ABLIM2: variants seen among roughly 807,000 people sequenced by gnomAD.
ABLIM2 encodes actin binding LIM protein family member 2, also known as actin-binding LIM protein 2.
Under a neutral mutation model 97.7 loss-of-function variants are expected in ABLIM2, and 53 were observed. That is an observed-to-expected ratio of 0.54 (90% CI 0.44 to 0.68). The LOEUF (loss-of-function observed/expected upper bound fraction) is 0.68. Among genes scored for constraint, ABLIM2 ranks in the 30% least tolerant of loss-of-function variants. ABLIM2 has a pLI of 0.00. For missense variants in ABLIM2, 835 were observed against 867.2 expected (o/e 0.96, Z 0.47); for synonymous variants, 361 against 345.8 (o/e 1.04, Z -0.49).
intron 3 of ABLIM2, among the ~76,000 whole-genome samples, chr4:8,093,482 T>C (rs1212093208): frequency 6.6e-6 from 1 of 152,234 alleles, no homozygotes; most frequent in Non-Finnish European, 1.5e-5. Context: ...TTTATTCACA[T>C]ACAATGTAAT....
At chr4:8,118,107 T>C (rs565684425) in intron 1 of ABLIM2, among the ~76,000 whole-genome samples, 11 of 152,356 alleles carry the variant, frequency 7.2e-5, no homozygotes, top group African/African-American at 2.4e-4. Flanking sequence ...CTCCCTGCCA[T>C]CTGCGCAGGA....
Position 7,986,143 on chromosome 4 carries a change from G to T in ABLIM2, c.1681-1250C>A, listed in dbSNP as rs1253148465. Reference sequence around the variant, plus strand: ...CTCTCGGCCAGTGCTGCTGAAACTGGGTACAGGGATCACATTTCAGCAGGG... The same window carrying T: ...CTCTCGGCCAGTGCTGCTGAAACTGTGTACAGGGATCACATTTCAGCAGGG... On this transcript the variant is annotated intron_variant, in intron 17 of 20. Transcript: ENST00000447017. This position sits in a 1 kb window ranked among gnomAD's most constrained non-coding sequence, Gnocchi z 4.3. Among the ~76,000 whole-genome samples the T allele has an allele frequency of 6.6e-6, 1 of 152,206 alleles. No individual in the cohort carries two copies. The highest frequency in any genetic ancestry group is 1.5e-5 in the Non-Finnish European group (1 of 68,032).
At chr4:8,086,682 G>A (rs1238240193) in intron 4 of ABLIM2, among the ~76,000 whole-genome samples, 2 of 152,028 alleles carry the variant, frequency 1.3e-5, no homozygotes, top group Non-Finnish European at 2.9e-5. Flanking sequence ...AGGAAGCTGT[G>A]GACAAACTGT....
rs2150964611 is a variant in ABLIM2 at position 8,022,355 on chromosome 4, G to C, written c.1268-2052C>G. 6.6e-6 allele frequency among the ~76,000 whole-genome samples: 1 copy of C among 152,336 alleles called. No homozygotes were observed. Among genetic ancestry groups the C allele is most frequent in the South Asian group, 2.1e-4 (1 of 4,832 alleles). On this transcript the variant is annotated intron_variant, in intron 12 of 20. Transcript: ENST00000447017. The surrounding 1 kb of genome is among the most constrained non-coding windows in gnomAD (Gnocchi z 7.8). ...CTCCCCAGTTCCCAGCCACAGGGCA[G>C]CATCCCCTGAAGTTTCAAACCAGAG...
At position 8,045,179 on chromosome 4, in the gene ABLIM2, C is replaced by G. The variant is rs376665821; in HGVS notation, c.885G>C (p.Pro295=). Residue 295 remains proline, a synonymous_variant, in exon 9 of 21, where the codon CCG becomes CCC. Coordinates refer to ENST00000447017, the MANE Select transcript of ABLIM2 (RefSeq NM_001130083.2). Reference sequence around the variant, plus strand: ...CCTGACTTACATAAATCACACGGCTCGGAGACCCTGAGGTGCTGGAAGCAG... The same window carrying G: ...CCTGACTTACATAAATCACACGGCTGGGAGACCCTGAGGTGCTGGAAGCAG... ...SVPASSTSGS[P]SRVIYAKLGG... 6.2e-7 allele frequency: 1 copy of G among 1,613,886 alleles called. No individual in the cohort carries two copies. Among genetic ancestry groups the G allele is most frequent in the Non-Finnish European group, 8.5e-7 (1 of 1,179,796 alleles).
At chr4:8,153,059 A>G (rs1364891482) in intron 1 of ABLIM2, among the ~76,000 whole-genome samples, 1 of 152,138 alleles carries the variant, frequency 6.6e-6, no homozygotes, top group African/African-American at 2.4e-5. Flanking sequence ...GGGTTGGTTG[A>G]TGGCATCAGG....
At position 8,025,102 on chromosome 4, in the gene ABLIM2, AT is replaced by A. The variant is rs553061913; in HGVS notation, c.1267+2656del. Among the ~76,000 whole-genome samples the A allele has an allele frequency of 1.4e-4, 22 of 152,116 alleles. No homozygotes were observed. The East Asian group carries it at 3.9e-3, about 27-fold the overall frequency. ...GCCACCACACCCGGCTAATTTTTGTATTTTTAGTAGAGACGTGGTTTCACCA... is the reference window on the plus strand; with the variant it reads ...GCCACCACACCCGGCTAATTTTTGTATTTTAGTAGAGACGTGGTTTCACCA... On this transcript the variant is annotated intron_variant, in intron 12 of 20. Transcript: ENST00000447017.
chr4:8,084,556 A>T (rs1287840455), intron 4 of ABLIM2, among the ~76,000 whole-genome samples: 1 of 152,146 alleles, frequency 6.6e-6, no homozygotes, highest in Non-Finnish European at 1.5e-5. Context: ...AGGACCCCAA[A>T]GCCCCATTCC....
chr4:8,070,560 A>G (rs543390906), intron 6 of ABLIM2, among the ~76,000 whole-genome samples: 12 of 152,292 alleles, frequency 7.9e-5, no homozygotes, highest in African/African-American at 2.9e-4. Flanking sequence ...CAAGACAGAC[A>G]GGAGGAAGCA....
chr4:7,991,153 G>T (rs1311961734), intron 17 of ABLIM2, among the ~76,000 whole-genome samples: 1 of 152,234 alleles, frequency 6.6e-6, no homozygotes, highest in Admixed American at 6.5e-5. Context: ...CTGCCAGAAA[G>T]TCTGAATAGG....
At chr4:8,098,202 C>A (rs1180220372) in intron 2 of ABLIM2, among the ~76,000 whole-genome samples, 1 of 152,318 alleles carries the variant, frequency 6.6e-6, no homozygotes, top group South Asian at 2.1e-4. Flanking sequence ...ACAGAGGAAC[C>A]CCCTGCAGCC....
chr4:7,966,350 A>T lies in ABLIM2; in HGVS notation c.*640T>A, dbSNP rs1156943672. ...GTTACTTTAAAGATATTGTGTAGGCATCTAGGGGTCGATCTGGAGGAGGAA... is the reference window on the plus strand; with the variant it reads ...GTTACTTTAAAGATATTGTGTAGGCTTCTAGGGGTCGATCTGGAGGAGGAA... On this transcript the variant is annotated 3_prime_UTR_variant, in exon 21 of 21. Transcript: ENST00000447017. The T allele has an allele frequency of 6.5e-6, 1 of 152,720 alleles. No individual in the cohort carries two copies. The highest frequency in any genetic ancestry group is 1.5e-5 in the Non-Finnish European group (1 of 68,106). The allele number at this position is 152,720 out of a possible 1,614,324, so 9.5% of individuals were successfully genotyped here.
intron 8 of ABLIM2, among the ~76,000 whole-genome samples, chr4:8,049,914 G>A (rs1044333985): frequency 2.0e-5 from 3 of 152,094 alleles, no homozygotes; most frequent in African/African-American, 7.2e-5. Context: ...TTTTGGTAGA[G>A]AGCGGGTTTC....
At chr4:8,116,773 A>G (rs1483385301) in intron 1 of ABLIM2, among the ~76,000 whole-genome samples, 1 of 152,180 alleles carries the variant, frequency 6.6e-6, no homozygotes, top group African/African-American at 2.4e-5. Context: ...TAGGTGGCTC[A>G]TAACACAGAT....
chr4:8,090,758 G>A (rs187664903), intron 3 of ABLIM2, among the ~76,000 whole-genome samples: 1 of 149,824 alleles, frequency 6.7e-6, no homozygotes, highest in East Asian at 1.9e-4. Context: ...AGTCTTTGGT[G>A]TTTTGTCAGC....
chr4:8,109,256 G>A (rs546541098), intron 1 of ABLIM2, among the ~76,000 whole-genome samples: 1 of 152,352 alleles, frequency 6.6e-6, no homozygotes, highest in African/African-American at 2.4e-5. Flanking sequence ...CAGCCTGCAG[G>A]TGATGGGGCA....
chr4:8,077,979 G>T (rs1026970700), intron 5 of ABLIM2, among the ~76,000 whole-genome samples: 7 of 152,348 alleles, frequency 4.6e-5, no homozygotes, highest in African/African-American at 1.7e-4. Context: ...CCAGTGGGTG[G>T]GAGGGGCTGA....
intron 6 of ABLIM2, among the ~76,000 whole-genome samples, chr4:8,074,528 A>G (rs1016644305): frequency 4.6e-5 from 7 of 152,228 alleles, no homozygotes; most frequent in African/African-American, 1.4e-4. Context: ...GAGAAATACT[A>G]TATCTTGTTG....
At position 8,008,076 on chromosome 4, in the gene ABLIM2, C is replaced by G; in HGVS notation, c.1601G>C (p.Gly534Ala). 1.2e-6 allele frequency: 2 copies of G among 1,614,012 alleles called. No individual in the cohort carries two copies. Among genetic ancestry groups the G allele is most frequent in the Non-Finnish European group, 1.7e-6 (2 of 1,179,876 alleles). The stretch of plus-strand genomic sequence containing the variant: ...CCACTCACGTGAGTGAAAGCTGTCC[C>G]CTGCCATCCTTTGGAGAGGGTCTCT... ...TDRDPLQRMA[G>A]DSFHSRFPYS... The change falls in exon 16 of 21, where the codon GGG becomes GCG. Residue 534 changes from glycine (G) to alanine (A), a missense_variant. Transcript: ENST00000447017.
Sources: allele counts gnomAD v4.1 joint callset (sites outside exome capture counted in the v4.1 genomes callset), GRCh38; gene constraint gnomAD v4.1.1; non-coding constraint Gnocchi (gnomAD v3.1); transcripts MANE v1.5; gene names NCBI Gene and HGNC (gene_info 2026-07-23, HGNC 2026-07-21).